The following MED12L variants were observed in gnomAD, a reference collection of about 807,000 sequenced individuals.
MED12L encodes mediator complex subunit 12L.
In MED12L, 60 loss-of-function variants were observed where a neutral mutation model predicts 281.3. That is an observed-to-expected ratio of 0.21 (90% CI 0.17 to 0.26). The LOEUF (loss-of-function observed/expected upper bound fraction) is 0.26. Ranked by LOEUF, MED12L falls within the 10% of genes least tolerant of loss-of-function variation. MED12L has a pLI of 1.00. For missense variants in MED12L, 2,146 were observed against 2,680.9 expected (o/e 0.80, Z 4.41); for synonymous variants, 974 against 987.2 (o/e 0.99, Z 0.25).
At position 151,198,635 on chromosome 3, in the gene MED12L, G is replaced by C. The variant is rs185341982; in HGVS notation, c.2250+4969G>C. 3 of 1,613,944 alleles carry C rather than the reference G, an allele frequency of 1.9e-6. No individual in the cohort carries two copies. The highest frequency in any genetic ancestry group is 2.2e-5 in the East Asian group (1 of 44,884). ...GGTTGAGCAATCAGTTATGACTTCTGTCTGGCTGAGGGTATACGGGATTCG... is the reference window on the plus strand; with the variant it reads ...GGTTGAGCAATCAGTTATGACTTCTCTCTGGCTGAGGGTATACGGGATTCG... On this transcript the variant is annotated intron_variant, in intron 16 of 44. Transcript: ENST00000687756.
intron 16 of MED12L, chr3:151,327,766 G>T: frequency 2.4e-4 from 79 of 334,792 alleles, no homozygotes; most frequent in Middle Eastern, 8.3e-4. Flanking sequence ...AAGAAATAAT[G>T]ACCTCTAGTG....
At chr3:151,273,858 A>G (rs952378273) in intron 16 of MED12L, among the ~76,000 whole-genome samples, 1 of 152,234 alleles carries the variant, frequency 6.6e-6, no homozygotes, top group Non-Finnish European at 1.5e-5. Flanking sequence ...GTTGTTTTCA[A>G]ATCATATTTA....
At position 151,312,594 on chromosome 3, in the gene MED12L, T is replaced by C. The variant is rs1226287387; in HGVS notation, c.2251-37465T>C. ...GGTGGTCAAGAGACAGTAATATCTT[T>C]GACCTGAGAGCCTGTTCAGGCTACA... On this transcript the variant is annotated intron_variant, in intron 16 of 44. Coordinates refer to ENST00000687756, the MANE Select transcript of MED12L (RefSeq NM_001393769.1). 2.0e-5 allele frequency among the ~76,000 whole-genome samples: 3 copies of C among 152,342 alleles called. No homozygotes were observed. The East Asian group carries it at 5.8e-4, about 29-fold the overall frequency.
chr3:151,363,185 G>C (rs1393300832), intron 21 of MED12L, among the ~76,000 whole-genome samples: 2 of 152,042 alleles, frequency 1.3e-5, no homozygotes, highest in African/African-American at 4.8e-5. Flanking sequence ...ATAGTGATTG[G>C]CACTGTCTAA....
chr3:151,368,066 C>T, intron 24 of MED12L, 84 bp from the exon 25 acceptor site: 1 of 1,108,492 alleles, frequency 9.0e-7, no homozygotes, highest in Non-Finnish European at 1.3e-6. Flanking sequence ...ATAATTATTC[C>T]AGGAAATTTA....
intron 16 of MED12L, chr3:151,317,016 T>C (rs752241949): frequency 7.9e-5 from 12 of 152,126 alleles, no homozygotes; most frequent in Non-Finnish European, 1.5e-4. Context: ...TGGGGCCTAC[T>C]AACTCATCAG....
chr3:151,410,448 C>A (rs1716812663), intron 40 of MED12L, among the ~76,000 whole-genome samples: 1 of 152,212 alleles, frequency 6.6e-6, no homozygotes, highest in South Asian at 2.1e-4. Flanking sequence ...TTATCCATTT[C>A]TCTGTCTTCC....
chr3:151,216,628 C>T (rs1728285555), intron 16 of MED12L, among the ~76,000 whole-genome samples: 2 of 152,166 alleles, frequency 1.3e-5, no homozygotes, highest in African/African-American at 4.8e-5. Flanking sequence ...TACCCCAAAT[C>T]ACTTCCTCCA....
intron 16 of MED12L, among the ~76,000 whole-genome samples, chr3:151,339,319 TGAGA>T: frequency 6.6e-6 from 1 of 151,674 alleles, no homozygotes; most frequent in South Asian, 2.1e-4. Flanking sequence ...TCAAAACAGT[TGAGA>T]GAGAAATGAT....
At chr3:151,320,842 A>G (rs1748912126) in intron 16 of MED12L, among the ~76,000 whole-genome samples, 2 of 152,058 alleles carry the variant, frequency 1.3e-5, no homozygotes, top group African/African-American at 4.8e-5. Flanking sequence ...GGTCAGGTAA[A>G]CTCCAATTTG....
intron 5 of MED12L, among the ~76,000 whole-genome samples, chr3:151,138,880 G>T (rs1171722690): frequency 1.3e-5 from 2 of 152,086 alleles, no homozygotes; most frequent in Non-Finnish European, 2.9e-5. Flanking sequence ...AAGTAATATG[G>T]ACAGTCCACA....
intron 16 of MED12L, chr3:151,293,990 G>A (rs1343502180): frequency 1.7e-5 from 10 of 581,264 alleles, no homozygotes; most frequent in Admixed American, 3.3e-5. Context: ...TCACCCATAC[G>A]CTACCTCTTG....
At chr3:151,269,852 A>G (rs1740544557) in intron 16 of MED12L, 43 of 452,942 alleles carry the variant, frequency 9.5e-5, no homozygotes, top group South Asian at 6.9e-4. Flanking sequence ...TAAAGTCAGC[A>G]GGAAGAGGCA....
chr3:151,206,176 C>T (rs1726331221), intron 16 of MED12L, among the ~76,000 whole-genome samples: 1 of 147,790 alleles, frequency 6.8e-6, no homozygotes, highest in Admixed American at 6.9e-5. Context: ...CTGAGAGTGA[C>T]TGATGTGATT....
intron 16 of MED12L, among the ~76,000 whole-genome samples, chr3:151,239,362 A>G (rs1733609376): frequency 6.6e-6 from 1 of 152,238 alleles, no homozygotes; most frequent in African/African-American, 2.4e-5. Flanking sequence ...AAAGAAGAAA[A>G]TCCAGAAGGC....
In MED12L at chr3:151,432,941, C is replaced by CA. The variant is rs35536198; in HGVS notation, c.*150dup. On this transcript the variant is annotated 3_prime_UTR_variant, in exon 45 of 45. Coordinates refer to ENST00000687756, the MANE Select transcript of MED12L (RefSeq NM_001393769.1). ...TTACTATATTTTATGCTACATCTCA[C>CA]AAAAAAAAAAAAAGGTGTTTAAACA... 3,437 of 467,188 alleles carry CA rather than the reference C, an allele frequency of 7.4e-3. 4 individuals carry two copies. The highest frequency in any genetic ancestry group is 0.024 in the East Asian group (625 of 26,076). The allele number at this position is 467,188 out of a possible 1,614,324, so 28.9% of individuals were successfully genotyped here.
At chr3:151,411,140 T>G in intron 40 of MED12L, 138 bp from the exon 41 acceptor site, 2 of 683,922 alleles carry the variant, frequency 2.9e-6, no homozygotes, top group Non-Finnish European at 5.0e-6. Context: ...CTCCTCAAAT[T>G]TTGAGTTATG....
rs371692394 is a variant in MED12L at position 151,377,191 on chromosome 3, G to A, written c.4316+13G>A. On this transcript the variant is annotated intron_variant, in intron 30 of 44. Transcript: ENST00000687756. ...AGACATTCCTAAGGTATTTTTGTCT[G>A]TTGTTTTATTGAACTGTCATGAATT... The A allele has an allele frequency of 4.4e-6, 7 of 1,596,714 alleles. No individual in the cohort carries two copies. In the African/African-American group the frequency reaches 9.4e-5, roughly 21 times the overall value.
Position 151,365,011 on chromosome 3 carries a change from A to G in MED12L, c.2990A>G (p.Tyr997Cys). Reference sequence around the variant, plus strand: ...TGTTCAAAAGTAAAGCAAACCATATATAATAACGTGATGCCTGCAAATTCG... The same window carrying G: ...TGTTCAAAAGTAAAGCAAACCATATGTAATAACGTGATGCCTGCAAATTCG... ...SACSKVKQTI[Y>C]NNVMPANSNL... The change falls in exon 22 of 45, where the codon TAT (tyrosine) becomes TGT (cysteine). Residue 997 changes from tyrosine to cysteine, a missense_variant. Tyr to Cys is a radical substitution (Grantham distance 194). Transcript: ENST00000687756. 1 of 1,614,066 alleles carries G rather than the reference A, an allele frequency of 6.2e-7. No homozygotes were observed. The highest frequency in any genetic ancestry group is 8.5e-7 in the Non-Finnish European group (1 of 1,179,928).
Sources: gnomAD v4.1 joint callset for allele counts (sites outside exome capture counted in the v4.1 genomes callset) on GRCh38, gnomAD v4.1.1 for gene constraint, MANE v1.5 for transcripts, NCBI Gene and HGNC (gene_info 2026-07-23, HGNC 2026-07-21) for gene names.